Variants in C8orf34 observed in about 807,000 individuals in gnomAD.
C8orf34 encodes chromosome 8 open reading frame 34.
Under a neutral mutation model 68.3 loss-of-function variants are expected in C8orf34, and 65 were observed. The observed-to-expected ratio is 0.95, with a 90% CI of 0.78 to 1.17. The LOEUF (loss-of-function observed/expected upper bound fraction) is 1.17, where lower values mean the gene tolerates loss of function less well. Among genes scored for constraint, C8orf34 ranks in the 50% most tolerant of loss-of-function variants. The pLI, the probability that C8orf34 is intolerant of heterozygous loss-of-function variation, is 0.00. For synonymous variants in C8orf34, 244 were observed against 241.2 expected (o/e 1.01, Z -0.11); for missense variants, 664 against 655.4 (o/e 1.01, Z -0.14).
intron 10 of C8orf34, among the ~76,000 whole-genome samples, chr8:68,735,121 C>T (rs1380589835): frequency 2.0e-5 from 3 of 152,120 alleles, no homozygotes; most frequent in Non-Finnish European, 2.9e-5. Context: ...ATGATTGGAA[C>T]CTATCTGTCA....
rs187383402 is a variant in C8orf34 at position 68,511,900 on chromosome 8, T to C, written c.766-9899T>C. Among the ~76,000 whole-genome samples, 26 of 152,294 alleles carry C rather than the reference T, an allele frequency of 1.7e-4. No homozygotes were observed. The East Asian group carries it at 4.1e-3, about 24-fold the overall frequency. ...GGATCAGCAATATTCCAAGCAAAAG[T>C]CAAAAAGGTTGCTTCAGCTTTCTGA... On this transcript the variant is annotated intron_variant, in intron 5 of 13. Transcript: ENST00000518698.
intron 7 of C8orf34, among the ~76,000 whole-genome samples, chr8:68,620,795 T>C (rs558158066): frequency 5.9e-4 from 89 of 151,300 alleles, no homozygotes; most frequent in South Asian, 4.8e-3. Flanking sequence ...TTTTTTTTTT[T>C]CCCCCATTAC....
At chr8:68,651,129 A>G (rs899895149) in intron 8 of C8orf34, among the ~76,000 whole-genome samples, 6 of 152,136 alleles carry the variant, frequency 3.9e-5, no homozygotes, top group Non-Finnish European at 7.3e-5. Flanking sequence ...TTTCCTTATC[A>G]TTCTCCCTAT....
At chr8:68,799,117 T>C (rs1444091405) in intron 12 of C8orf34, among the ~76,000 whole-genome samples, 5 of 152,200 alleles carry the variant, frequency 3.3e-5, no homozygotes, top group Non-Finnish European at 5.9e-5. Context: ...GGAGTTGAAG[T>C]CTTTAAAAGT....
chr8:68,754,509 A>C (rs1585833019), intron 10 of C8orf34, among the ~76,000 whole-genome samples: 1 of 152,344 alleles, frequency 6.6e-6, no homozygotes, highest in East Asian at 1.9e-4. Flanking sequence ...GAGGCCAAAG[A>C]AGACATTAAG....
chr8:68,787,591 A>C (rs977617217), intron 12 of C8orf34, 55 bp downstream of exon 12: 34 of 1,291,972 alleles, frequency 2.6e-5, no homozygotes, highest in Non-Finnish European at 3.5e-5. Context: ...GGAAATCCAC[A>C]ATAAAGCTAT....
chr8:68,403,546 C>G (rs1320379251), intron 1 of C8orf34, among the ~76,000 whole-genome samples: 2 of 152,234 alleles, frequency 1.3e-5, no homozygotes, highest in African/African-American at 4.8e-5. Context: ...CCCCCCACCC[C>G]CTGACAGGCC....
intron 7 of C8orf34, chr8:68,533,977 A>G (rs1815358324): frequency 3.5e-6 from 3 of 848,252 alleles, no homozygotes; most frequent in Non-Finnish European, 4.3e-6. Flanking sequence ...TAAATAATAT[A>G]ATTATTTGAA....
intron 1 of C8orf34, among the ~76,000 whole-genome samples, chr8:68,385,486 A>G (rs1808223131): frequency 6.6e-6 from 1 of 152,240 alleles, no homozygotes; most frequent in South Asian, 2.1e-4. Flanking sequence ...AAAATTATAC[A>G]ATTTGTGATT....
chr8:68,360,655 A>T (rs1043947335), intron 1 of C8orf34, among the ~76,000 whole-genome samples: 2 of 152,100 alleles, frequency 1.3e-5, no homozygotes, highest in African/African-American at 4.8e-5. Context: ...CTTTAGTGTC[A>T]GCCAGACCAG....
intron 7 of C8orf34, among the ~76,000 whole-genome samples, chr8:68,607,208 T>C (rs1294545175): frequency 1.3e-5 from 2 of 152,190 alleles, no homozygotes; most frequent in Admixed American, 6.5e-5. Context: ...GCAGCAAGTT[T>C]TATGTTTCCC....
At chr8:68,746,923 C>T (rs1190979493) in intron 10 of C8orf34, among the ~76,000 whole-genome samples, 1 of 151,884 alleles carries the variant, frequency 6.6e-6, no homozygotes, top group Non-Finnish European at 1.5e-5. Context: ...CGGACAGAGA[C>T]ACAACCAAAA....
At chr8:68,375,257 A>C (rs971338490) in intron 1 of C8orf34, among the ~76,000 whole-genome samples, 2 of 152,236 alleles carry the variant, frequency 1.3e-5, no homozygotes, top group African/African-American at 4.8e-5. Context: ...TTGATTGTGC[A>C]GTCCTATTTA....
chr8:68,466,243 GA>G (rs1812129631), intron 3 of C8orf34, among the ~76,000 whole-genome samples: 1 of 151,844 alleles, frequency 6.6e-6, no homozygotes, highest in Non-Finnish European at 1.5e-5. Flanking sequence ...GGGCATGGGG[GA>G]AAATGAGAGA....
Position 68,555,959 on chromosome 8 carries a change from G to A in C8orf34, c.1105+22810G>A, listed in dbSNP as rs1816237311. ...GCAACTTTGTTTGAGTTTCTTTTGG[G>A]TTCACACCTGAGAGTGTCTAGCACT... On this transcript the variant is annotated intron_variant, in intron 7 of 13. Coordinates refer to ENST00000518698, the MANE Select transcript of C8orf34 (RefSeq NM_052958.4). Among the ~76,000 whole-genome samples the A allele has an allele frequency of 3.9e-5, 6 of 152,090 alleles. No homozygotes were observed. The South Asian group carries it at 1.2e-3, about 32-fold the overall frequency.
chr8:68,338,563 T>C (rs1390671959), intron 1 of C8orf34, among the ~76,000 whole-genome samples: 1 of 152,214 alleles, frequency 6.6e-6, no homozygotes, highest in Non-Finnish European at 1.5e-5. Context: ...AATCACACAC[T>C]ATGCAAATTT....
chr8:68,494,549 T>C, intron 5 of C8orf34, among the ~76,000 whole-genome samples: 1 of 152,154 alleles, frequency 6.6e-6, no homozygotes, highest in Non-Finnish European at 1.5e-5. Flanking sequence ...ATGATTTTTC[T>C]GTAACTAAAA....
chr8:68,564,385 T>C lies in C8orf34; in HGVS notation c.1105+31236T>C, dbSNP rs145624585. Among the ~76,000 whole-genome samples, 15 of 152,338 alleles carry C rather than the reference T, an allele frequency of 9.8e-5. No individual in the cohort carries two copies. The East Asian group carries it at 2.7e-3, about 27-fold the overall frequency. On this transcript the variant is annotated intron_variant, in intron 7 of 13. Coordinates refer to ENST00000518698, the MANE Select transcript of C8orf34 (RefSeq NM_052958.4). ...AGAGGAATTTTCTAGTCAGGCCAAC[T>C]TGGATACTTAGTCATATCATTGGCA... is the stretch of plus-strand genomic sequence containing the variant.
chr8:68,731,126 G>GA (rs1259206565), intron 10 of C8orf34, among the ~76,000 whole-genome samples: 2 of 152,114 alleles, frequency 1.3e-5, no homozygotes, highest in African/African-American at 4.8e-5. Context: ...TGTGGAAATG[G>GA]AAAAACATTA....
Sources: allele counts gnomAD v4.1 joint callset (sites outside exome capture counted in the v4.1 genomes callset), GRCh38; gene constraint gnomAD v4.1.1; transcripts MANE v1.5; gene names NCBI Gene and HGNC (gene_info 2026-07-23, HGNC 2026-07-21).